Variants in PCBP3 observed in about 807,000 individuals in gnomAD.
The protein encoded by PCBP3 is poly(rC)-binding protein 3.
A neutral mutation model predicts 52.7 loss-of-function variants in PCBP3; 25 were observed. That is an observed-to-expected ratio of 0.47 (90% confidence interval 0.35 to 0.66). The LOEUF (loss-of-function observed/expected upper bound fraction) is 0.66. Among genes scored for constraint, PCBP3 ranks in the 30% least tolerant of loss-of-function variants. PCBP3 has a pLI of 0.01. For missense variants in PCBP3, 391 were observed against 490.3 expected, an observed-to-expected ratio of 0.80 and a Z score of 1.91; for synonymous variants, 162 against 183.0, an observed-to-expected ratio of 0.89 and a Z score of 0.93.
intron 4 of PCBP3, among the ~76,000 whole-genome samples, chr21:45,849,016 C>T (rs910489348): frequency 2.0e-5 from 3 of 152,166 alleles, no homozygotes; most frequent in African/African-American, 7.2e-5. Context: ...TGTCCAATAG[C>T]ATCCTTTTTT....
intron 5 of PCBP3, among the ~76,000 whole-genome samples, chr21:45,894,249 C>CA (rs2095762120): frequency 6.6e-6 from 1 of 152,234 alleles, no homozygotes; most frequent in African/African-American, 2.4e-5. Context: ...TAGAGGCTGA[C>CA]AGCCTGGAGC....
intron 4 of PCBP3, among the ~76,000 whole-genome samples, chr21:45,841,093 G>C (rs1569296077): frequency 6.6e-6 from 1 of 152,182 alleles, no homozygotes; most frequent in African/African-American, 2.4e-5. Context: ...GGGTGTGTCA[G>C]CTCTCTCACC....
At chr21:45,888,311 A>AG (rs2095569853) in intron 5 of PCBP3, among the ~76,000 whole-genome samples, 1 of 152,240 alleles carries the variant, frequency 6.6e-6, no homozygotes, top group Admixed American at 6.5e-5. Flanking sequence ...GTGACTGCCT[A>AG]GGAAATATTT....
intron 11 of PCBP3, among the ~76,000 whole-genome samples, chr21:45,911,942 G>A (rs2096403292): frequency 6.6e-6 from 1 of 152,232 alleles, no homozygotes; most frequent in East Asian, 1.9e-4. Flanking sequence ...GCTGGTCTGA[G>A]CTATCTGTTC....
chr21:45,815,738 AG>A (rs2092912092), intron 4 of PCBP3, among the ~76,000 whole-genome samples: 1 of 74,484 alleles, frequency 1.3e-5, no homozygotes, highest in Admixed American at 1.1e-4. Context: ...GTGGTGAGTG[AG>A]TGGTGAGTGG....
rs375605912 is a variant in PCBP3, at chr21:45,807,759, C to CA, written c.-125-42192dup. Among the ~76,000 whole-genome samples the CA allele has an allele frequency of 5.9e-3, 862 of 146,884 alleles. 4 individuals carry two copies. The highest frequency in any genetic ancestry group is 9.3e-3 in the African/African-American group (376 of 40,304). ...CTAAGCAAAAAAAACAAAAACAAAA[C>CA]AAAAAAAAAACCTGGAGGCATCATG... is the stretch of plus-strand genomic sequence containing the variant. On this transcript the variant is annotated intron_variant, in intron 4 of 17. Transcript: ENST00000681687.
chr21:45,908,222 T>A (rs2096254704), intron 9 of PCBP3, among the ~76,000 whole-genome samples: 1 of 152,094 alleles, frequency 6.6e-6, no homozygotes, highest in Non-Finnish European at 1.5e-5. Flanking sequence ...TTCAAGGAGT[T>A]TTCCTGGGAG....
rs147546154 is a variant in PCBP3 at position 45,882,886 on chromosome 21, G to A, written c.11-13322G>A. Among the ~76,000 whole-genome samples the A allele has an allele frequency of 3.0e-3, 462 of 152,256 alleles. 3 individuals are homozygous for A. The highest frequency in any genetic ancestry group is 0.02 in the Middle Eastern group (6 of 294). On this transcript the variant is annotated intron_variant, in intron 5 of 17. Transcript: ENST00000681687. ...GCTCTCCTCCACCGGCCTGCATGTCGTTCTTACACCAGCGCCAAGTTCTGG... is the reference window on the plus strand; with the variant it reads ...GCTCTCCTCCACCGGCCTGCATGTCATTCTTACACCAGCGCCAAGTTCTGG...
intron 1 of PCBP3, among the ~76,000 whole-genome samples, chr21:45,655,717 C>T (rs2079972637): frequency 6.6e-6 from 1 of 152,132 alleles, no homozygotes; most frequent in African/African-American, 2.4e-5. Flanking sequence ...TCAGAGTGAA[C>T]AGGCAACCTA....
At chr21:45,684,519 T>A (rs2082039569) in intron 2 of PCBP3, among the ~76,000 whole-genome samples, 1 of 152,198 alleles carries the variant, frequency 6.6e-6, no homozygotes. Flanking sequence ...CTTGGTGTCC[T>A]CCCTGCAGTA....
intron 4 of PCBP3, among the ~76,000 whole-genome samples, chr21:45,813,248 T>C (rs530131053): frequency 1.1e-4 from 16 of 152,326 alleles, no homozygotes; most frequent in African/African-American, 3.6e-4. Context: ...TTGAATAGCG[T>C]CTGTTGATCT....
intron 12 of PCBP3, chr21:45,914,756 C>T (rs2096473078): frequency 6.6e-6 from 1 of 152,356 alleles, no homozygotes; most frequent in African/African-American, 2.4e-5. Flanking sequence ...AGTCTGTGGC[C>T]AACAGACTTT....
chr21:45,801,830 G>A (rs2092315186), intron 4 of PCBP3, among the ~76,000 whole-genome samples: 1 of 152,230 alleles, frequency 6.6e-6, no homozygotes, highest in African/African-American at 2.4e-5. Context: ...AAATAATCCA[G>A]TGTGGAAATA....
intron 4 of PCBP3, among the ~76,000 whole-genome samples, chr21:45,810,682 T>C (rs1463522944): frequency 6.6e-6 from 1 of 152,232 alleles, no homozygotes; most frequent in Non-Finnish European, 1.5e-5. Flanking sequence ...TTATGCTTGG[T>C]TTACGCAATG....
intron 9 of PCBP3, among the ~76,000 whole-genome samples, chr21:45,902,251 A>ATGCTG (rs2096074793): frequency 6.6e-6 from 1 of 150,478 alleles, no homozygotes; most frequent in Non-Finnish European, 1.5e-5. Flanking sequence ...CCAAGGCTGG[A>ATGCTG]CACTGCAGAC....
rs2093137989 is a variant in PCBP3 at position 45,821,529 on chromosome 21, A to T, written c.-125-28432A>T. Among the ~76,000 whole-genome samples the T allele has an allele frequency of 6.6e-6, 1 of 150,864 alleles. No homozygotes were observed. Among genetic ancestry groups the T allele is most frequent in the African/African-American group, 2.4e-5 (1 of 40,910 alleles). ...GTGCCTTCCCCTAACTCATTTCTAG[A>T]ATACTCTTCCCTGCCTGCACCCTGC... On this transcript the variant is annotated intron_variant, in intron 4 of 17. Coordinates refer to ENST00000681687, the MANE Select transcript of PCBP3 (RefSeq NM_001384156.1). This position sits in a 1 kb window ranked among gnomAD's most constrained non-coding sequence, Gnocchi z 4.4.
chr21:45,919,814 G>GGTGT (rs749618031), intron 13 of PCBP3, among the ~76,000 whole-genome samples: 1,808 of 148,800 alleles, frequency 0.012, 16 homozygotes, highest in African/African-American at 0.027. Flanking sequence ...CAGAAGCAGA[G>GGTGT]GTGTGTGTGT....
intron 4 of PCBP3, chr21:45,763,185 C>T (rs527649477): frequency 6.6e-5 from 10 of 152,400 alleles, no homozygotes; most frequent in East Asian, 1.9e-4. Context: ...GCAGCAGTGG[C>T]GCTGCCCCTA....
At chr21:45,894,241 G>C (rs1454039725) in intron 5 of PCBP3, among the ~76,000 whole-genome samples, 2 of 152,224 alleles carry the variant, frequency 1.3e-5, no homozygotes, top group African/African-American at 4.8e-5. Context: ...GTGACTGATA[G>C]AGGCTGACAG....
Sources: allele counts gnomAD v4.1 joint callset (sites outside exome capture counted in the v4.1 genomes callset), GRCh38; gene constraint gnomAD v4.1.1; non-coding constraint Gnocchi (gnomAD v3.1); transcripts MANE v1.5; gene names NCBI Gene and HGNC (gene_info 2026-07-23, HGNC 2026-07-21).